The following PLSCR2 variants were observed in gnomAD, a reference collection of about 807,000 sequenced individuals.
PLSCR2 encodes phospholipid scramblase 2, also known as PL scramblase 2.
In PLSCR2, 18 loss-of-function variants were observed where a neutral mutation model predicts 25.3. The observed-to-expected ratio is 0.71, with a 90% CI of 0.49 to 1.06. PLSCR2 has a LOEUF of 1.06. PLSCR2 is among the 50% of genes least tolerant of loss of function. The pLI is 0.00. For missense variants in PLSCR2, 243 were observed against 269.5 expected, an observed-to-expected ratio of 0.90 and a Z score of 0.69; for synonymous variants, 88 against 87.3, an observed-to-expected ratio of 1.01 and a Z score of -0.04.
At chr3:146,407,421 C>G (rs2038692663) in intron 2 of PLSCR2, among the ~76,000 whole-genome samples, 1 of 152,132 alleles carries the variant, frequency 6.6e-6, no homozygotes, top group South Asian at 2.1e-4. Flanking sequence ...TTGTACCTAG[C>G]CCAGTGTGGT....
intron 3 of PLSCR2, among the ~76,000 whole-genome samples, chr3:146,393,235 A>G (rs2038152686): frequency 1.3e-5 from 2 of 151,276 alleles, no homozygotes; most frequent in African/African-American, 4.8e-5. Flanking sequence ...TCACCGTGTT[A>G]GTCAGGATGG....
chr3:146,446,470 C>T (rs1576645478), intron 6 of PLSCR2, among the ~76,000 whole-genome samples: 1 of 152,162 alleles, frequency 6.6e-6, no homozygotes, highest in Non-Finnish European at 1.5e-5. Context: ...CCCTGCAATA[C>T]CAGGCAGACT....
At chr3:146,495,170 A>G (rs1382429411) in intron 1 of PLSCR2, 1 of 152,178 alleles carries the variant, frequency 6.6e-6, no homozygotes, top group African/African-American at 2.4e-5. Context: ...GTTAGATGTA[A>G]GATGAAGTTG....
exon 4 of PLSCR2, chr3:146,455,242 C>T: frequency 6.2e-7 from 1 of 1,609,638 alleles, no homozygotes; most frequent in Non-Finnish European, 8.5e-7. Context: ...CACATACCTC[C>T]TGAAGGCAGC....
At chr3:146,455,063 C>T (rs1214734635) in intron 4 of PLSCR2, among the ~76,000 whole-genome samples, 176 bp downstream of exon 4, 3 of 152,176 alleles carry the variant, frequency 2.0e-5, no homozygotes, top group Non-Finnish European at 4.4e-5. Flanking sequence ...GGACACGAGG[C>T]TAACTATTCC....
At chr3:146,394,138 C>T (rs1228979328) in intron 3 of PLSCR2, among the ~76,000 whole-genome samples, 1 of 151,860 alleles carries the variant, frequency 6.6e-6, no homozygotes, top group East Asian at 1.9e-4. Flanking sequence ...AATTTAGCTT[C>T]CCTAGCTTTC....
At chr3:146,448,416 C>A (rs1404596760) in intron 6 of PLSCR2, among the ~76,000 whole-genome samples, 1 of 152,102 alleles carries the variant, frequency 6.6e-6, no homozygotes, top group African/African-American at 2.4e-5. Flanking sequence ...TGTGTCAAAC[C>A]TTGATTGCAT....
intron 1 of PLSCR2, among the ~76,000 whole-genome samples, chr3:146,485,589 A>T (rs1457794498): frequency 2.2e-4 from 34 of 152,128 alleles, no homozygotes; most frequent in Non-Finnish European, 8.8e-5. Context: ...AACTAAAATC[A>T]TAACAAACAG....
intron 3 of PLSCR2, among the ~76,000 whole-genome samples, chr3:146,394,454 CG>C (rs1428222660): frequency 6.6e-6 from 1 of 151,820 alleles, no homozygotes; most frequent in African/African-American, 2.4e-5. Context: ...TTAGTAGAGA[CG>C]GGGTTTCTCC....
chr3:146,412,808 T>A (rs1251375226), intron 2 of PLSCR2, among the ~76,000 whole-genome samples: 2 of 152,124 alleles, frequency 1.3e-5, no homozygotes, highest in African/African-American at 4.8e-5. Flanking sequence ...TCTGATTGGC[T>A]ATTTTAAAGA....
At chr3:146,471,566 C>CTTT (rs550109802) in intron 1 of PLSCR2, among the ~76,000 whole-genome samples, 5 of 129,790 alleles carry the variant, frequency 3.9e-5, no homozygotes, top group African/African-American at 5.7e-5. Flanking sequence ...AGATACAATT[C>CTTT]TTTTTTTTTT....
At position 146,467,532 on chromosome 3, in the gene PLSCR2, A is replaced by G. The variant is rs56718607; in HGVS notation, c.-292-7248T>C. On this transcript the variant is annotated intron_variant, in intron 1 of 8. Coordinates refer to the PLSCR2 transcript ENST00000336685. ...GCATAGAGCATGAAAGGCACTGTAC[A>G]GGCACTAAAAAATGGAGGAGTCAGG... is the stretch of plus-strand genomic sequence containing the variant. Among the ~76,000 whole-genome samples, 898 of 152,290 alleles carry G rather than the reference A, an allele frequency of 5.9e-3. 8 individuals carry two copies. The highest frequency in any genetic ancestry group is 0.021 in the African/African-American group (857 of 41,550).
chr3:146,434,142 G>A (rs11915907), intron 8 of PLSCR2, among the ~76,000 whole-genome samples: 6,220 of 152,004 alleles, frequency 0.041, 175 homozygotes, highest in Admixed American at 0.087. Flanking sequence ...AATGCTGAAC[G>A]TTATTAAAAA....
At chr3:146,480,211 G>A (rs929542859) in intron 1 of PLSCR2, among the ~76,000 whole-genome samples, 3 of 152,094 alleles carry the variant, frequency 2.0e-5, no homozygotes, top group Non-Finnish European at 4.4e-5. Context: ...TCAAAAGCTA[G>A]CAGAAGGCAA....
chr3:146,429,214 A>C (rs1203436771), downstream of PLSCR2, among the ~76,000 whole-genome samples: 1 of 152,184 alleles, frequency 6.6e-6, no homozygotes, highest in African/African-American at 2.4e-5. Context: ...ATGAAAGGTG[A>C]AGGGGACCAG....
upstream of PLSCR2, among the ~76,000 whole-genome samples, chr3:146,462,606 C>G (rs2041659729): frequency 6.6e-6 from 1 of 151,610 alleles, no homozygotes; most frequent in Non-Finnish European, 1.5e-5. Flanking sequence ...GCTGGGATTA[C>G]AGGCACACGC....
At chr3:146,392,470 C>G (rs1352645664) in intron 3 of PLSCR2, among the ~76,000 whole-genome samples, 1 of 151,738 alleles carries the variant, frequency 6.6e-6, no homozygotes. Flanking sequence ...TTTTTATTCC[C>G]TCTTTGATAG....
At chr3:146,464,430 ACATGAT>A (rs1226317632), upstream of PLSCR2, among the ~76,000 whole-genome samples, 1 of 152,204 alleles carries the variant, frequency 6.6e-6, no homozygotes, top group African/African-American at 2.4e-5. Flanking sequence ...TCAGTTTAGG[ACATGAT>A]TGGGCTGTGT....
chr3:146,424,985 G>A (rs1193020822), intron 2 of PLSCR2, among the ~76,000 whole-genome samples: 1 of 151,740 alleles, frequency 6.6e-6, no homozygotes, highest in Non-Finnish European at 1.5e-5. Flanking sequence ...TAATATATAT[G>A]GAACCTCAGT....
Sources: allele counts gnomAD v4.1 joint callset (sites outside exome capture counted in the v4.1 genomes callset), GRCh38; gene constraint gnomAD v4.1.1; transcripts MANE v1.5; gene names NCBI Gene and HGNC (gene_info 2026-07-23, HGNC 2026-07-21).